Variants in DNM2 observed in about 807,000 individuals in gnomAD.
DNM2 encodes the protein dynamin 2.
A neutral mutation model predicts 99.0 loss-of-function variants in DNM2; 15 were observed. That is an observed-to-expected ratio of 0.15 (90% confidence interval 0.10 to 0.23). DNM2 has a LOEUF of 0.23. DNM2 is among the 10% of genes least tolerant of loss of function. The pLI is 1.00. For synonymous variants in DNM2, 525 were observed against 481.2 expected (o/e 1.09, Z -1.19); for missense variants, 742 against 1,189.4 (o/e 0.62, Z 5.53).
At chr19:10,738,737 G>A (rs555277654) in intron 1 of DNM2, among the ~76,000 whole-genome samples, 8 of 152,154 alleles carry the variant, frequency 5.3e-5, no homozygotes, top group Admixed American at 4.6e-4. Flanking sequence ...GGGCGTGGTG[G>A]TGGGTGCCTG....
At position 10,775,233 on chromosome 19, in the gene DNM2, T is replaced by C. The variant is rs1448759528; in HGVS notation, c.386-470T>C. Among the ~76,000 whole-genome samples the C allele has an allele frequency of 6.6e-6, 1 of 152,042 alleles. No individual in the cohort carries two copies. Among genetic ancestry groups the C allele is most frequent in the African/African-American group, 2.4e-5 (1 of 41,396 alleles). ...AGTAGCTGGGAGTACAAGTGTGTGC[T>C]ACCACGCCCAGCTAATTTTTGTATA... On this transcript the variant is annotated intron_variant, in intron 3 of 20. Transcript: ENST00000389253. The surrounding 1 kb of genome is among the most constrained non-coding windows in gnomAD (Gnocchi z 4.3).
At chr19:10,813,375 A>G (rs545992488) in intron 15 of DNM2, among the ~76,000 whole-genome samples, 2 of 152,354 alleles carry the variant, frequency 1.3e-5, no homozygotes, top group South Asian at 4.1e-4. Context: ...AGAAAAAGAT[A>G]CATAATGTTT....
At position 10,775,706 on chromosome 19, in the gene DNM2, T is replaced by C; in HGVS notation, c.389T>C (p.Leu130Ser). The C allele has an allele frequency of 1.2e-6, 2 of 1,614,114 alleles. No homozygotes were observed. The highest frequency in any genetic ancestry group is 1.7e-6 in the Non-Finnish European group (2 of 1,180,012). Residue 130 changes from leucine to serine, a missense_variant, in exon 4 of 21, where the codon TTG becomes TCG. Physicochemically the swap from Leu to Ser is moderately radical, Grantham distance 145. Transcript: ENST00000389253. The surrounding 1 kb of genome is among the most constrained non-coding windows in gnomAD (Gnocchi z 4.3). ...INLRVYSPHV[L>S]NLTLIDLPGI... ...TTCCTTCTGGTTTCCCTCCCAGTGT[T>C]GAACTTGACCCTCATCGACCTCCCG... is the stretch of plus-strand genomic sequence containing the variant.
chr19:10,726,292 C>T (rs2069114669), intron 1 of DNM2, among the ~76,000 whole-genome samples: 1 of 151,924 alleles, frequency 6.6e-6, no homozygotes, highest in African/African-American at 2.4e-5. Context: ...AACTCCTGGG[C>T]CCAAGCGATC....
intron 1 of DNM2, among the ~76,000 whole-genome samples, chr19:10,729,746 C>T (rs778791500): frequency 2.6e-5 from 4 of 152,186 alleles, no homozygotes; most frequent in Non-Finnish European, 5.9e-5. Context: ...TCCCTTCCTC[C>T]AGCTCTACCT....
chr19:10,806,166 C>T (rs565088669), intron 13 of DNM2, among the ~76,000 whole-genome samples, 199 bp downstream of exon 13: 1 of 152,312 alleles, frequency 6.6e-6, no homozygotes, highest in South Asian at 2.1e-4. Context: ...TCTGGCAGGG[C>T]CTAGTGGGCA....
intron 12 of DNM2, among the ~76,000 whole-genome samples, chr19:10,804,848 C>T (rs2072279057): frequency 6.6e-6 from 1 of 152,156 alleles, no homozygotes; most frequent in South Asian, 2.1e-4. Flanking sequence ...CTACAGCCAA[C>T]TTGGACTTTA....
At chr19:10,723,212 G>A (rs996052952) in intron 1 of DNM2, among the ~76,000 whole-genome samples, 3 of 148,966 alleles carry the variant, frequency 2.0e-5, no homozygotes, top group African/African-American at 7.5e-5. Flanking sequence ...TTGGCTCACC[G>A]CAACCTCCCC....
chr19:10,741,985 A>C (rs566880906), intron 1 of DNM2, among the ~76,000 whole-genome samples: 7 of 122,376 alleles, frequency 5.7e-5, no homozygotes, highest in East Asian at 2.3e-4. Flanking sequence ...TTTTTCCTCT[A>C]CCCTTCTTTC....
At chr19:10,769,868 C>T (rs1173168573) in intron 2 of DNM2, among the ~76,000 whole-genome samples, 1 of 152,212 alleles carries the variant, frequency 6.6e-6, no homozygotes, top group Non-Finnish European at 1.5e-5. Context: ...TGAGTCTCCC[C>T]CTGACCCTGC....
intron 1 of DNM2, among the ~76,000 whole-genome samples, chr19:10,744,600 C>T (rs1353669115): frequency 6.6e-6 from 1 of 152,140 alleles, no homozygotes; most frequent in Admixed American, 6.6e-5. Flanking sequence ...CTCTAGTTCA[C>T]TTGGGCCCTC....
intron 5 of DNM2, among the ~76,000 whole-genome samples, chr19:10,782,034 T>C (rs1249172776): frequency 6.6e-6 from 1 of 152,134 alleles, no homozygotes; most frequent in Non-Finnish European, 1.5e-5. Context: ...TAAGATGTTA[T>C]TTCTTTTTTT....
rs1186231638 is a variant in DNM2, at chr19:10,741,020, C to T, written c.162-18718C>T. Among the ~76,000 whole-genome samples the T allele has an allele frequency of 2.6e-5, 4 of 152,144 alleles. No individual in the cohort carries two copies. The East Asian group carries it at 7.7e-4, about 29-fold the overall frequency. ...ATACGGTGTGTCCTGGAGAATGTTCCATATGCACATGATAAGAATGTGTAT... is the reference window on the plus strand; with the variant it reads ...ATACGGTGTGTCCTGGAGAATGTTCTATATGCACATGATAAGAATGTGTAT... On this transcript the variant is annotated intron_variant, in intron 1 of 20. Transcript: ENST00000389253.
intron 17 of DNM2, 146 bp downstream of exon 17, chr19:10,824,045 A>G (rs2073067311): frequency 1.4e-6 from 1 of 739,938 alleles, no homozygotes; most frequent in Non-Finnish European, 2.3e-6. Context: ...GAGCAAGCAA[A>G]GGAGAAATTG....
chr19:10,826,445 G>A (rs781370681), intron 18 of DNM2, among the ~76,000 whole-genome samples: 16 of 152,194 alleles, frequency 1.1e-4, no homozygotes, highest in Admixed American at 2.6e-4. Flanking sequence ...GCCTGGCCCC[G>A]GGTTCCCTGG....
chr19:10,759,460 A>G (rs905246644), intron 1 of DNM2, among the ~76,000 whole-genome samples: 5 of 152,174 alleles, frequency 3.3e-5, no homozygotes, highest in African/African-American at 9.7e-5. Context: ...TAACAAATAC[A>G]TGCCAGGGAA....
rs146013028 is a variant in DNM2, at chr19:10,722,905, G to A, written c.161+4502G>A. On this transcript the variant is annotated intron_variant, in intron 1 of 20. Transcript: ENST00000389253. ...GTCTCCCAACGTGCTGGCATTACAG[G>A]TGTGAGCCACTGCGCCCAGCCTCCT... Among the ~76,000 whole-genome samples the A allele has an allele frequency of 2.2e-3, 331 of 152,046 alleles. 1 individual carries two copies. Among genetic ancestry groups the A allele is most frequent in the African/African-American group, 6.9e-3 (288 of 41,480 alleles).
At chr19:10,819,442 G>A (rs2072894135) in intron 15 of DNM2, among the ~76,000 whole-genome samples, 1 of 152,122 alleles carries the variant, frequency 6.6e-6, no homozygotes, top group South Asian at 2.1e-4. Context: ...TTTCAAAGAT[G>A]GAGCCCAGAT....
intron 1 of DNM2, among the ~76,000 whole-genome samples, chr19:10,749,010 A>G (rs961635936): frequency 6.6e-5 from 10 of 152,216 alleles, no homozygotes; most frequent in Non-Finnish European, 1.2e-4. Flanking sequence ...TCCCAGCCAC[A>G]TTCAGGCTCA....
Sources: allele counts gnomAD v4.1 joint callset (sites outside exome capture counted in the v4.1 genomes callset), GRCh38; gene constraint gnomAD v4.1.1; non-coding constraint Gnocchi (gnomAD v3.1); transcripts MANE v1.5; gene names NCBI Gene and HGNC (gene_info 2026-07-23, HGNC 2026-07-21).